Variants in CADM4 observed in about 807,000 individuals in gnomAD.
The protein encoded by CADM4 is TSLC1-like 2.
CADM4 carries 13 observed loss-of-function variants against 43.9 expected under a neutral mutation model. The observed-to-expected ratio is 0.30, with a 90% CI of 0.19 to 0.47. The LOEUF is 0.47. Ranked by LOEUF, CADM4 falls within the 20% of genes least tolerant of loss-of-function variation. CADM4 has a pLI of 1.00. For missense variants in CADM4, 420 were observed against 527.0 expected (o/e 0.80, Z 1.99); for synonymous variants, 209 against 220.9 (o/e 0.95, Z 0.48).
intron 1 of CADM4, among the ~76,000 whole-genome samples, chr19:43,638,449 G>A (rs758783576): frequency 3.3e-5 from 5 of 152,224 alleles, no homozygotes; most frequent in Admixed American, 6.5e-5. Flanking sequence ...AATCTCTGCC[G>A]AACACCCAGC....
intron 1 of CADM4, among the ~76,000 whole-genome samples, chr19:43,633,193 C>A (rs1174828592): frequency 6.6e-6 from 1 of 151,748 alleles, no homozygotes; most frequent in East Asian, 2.0e-4. Flanking sequence ...CCCACCTCAG[C>A]CTCCTAAGTA....
chr19:43,640,433 C>G, upstream of CADM4, among the ~76,000 whole-genome samples: 1 of 151,162 alleles, frequency 6.6e-6, no homozygotes, highest in South Asian at 2.1e-4. Flanking sequence ...CCGGAGGGTC[C>G]GGAGGTCGAG....
intron 1 of CADM4, among the ~76,000 whole-genome samples, chr19:43,630,909 T>A (rs955473874): frequency 6.6e-6 from 1 of 152,204 alleles, no homozygotes; most frequent in Non-Finnish European, 1.5e-5. Flanking sequence ...TCTTTTACAT[T>A]CAGGTGCTGG....
chr19:43,638,284 A>G (rs1189879711), intron 1 of CADM4, among the ~76,000 whole-genome samples: 1 of 152,216 alleles, frequency 6.6e-6, no homozygotes, highest in Non-Finnish European at 1.5e-5. Context: ...GTTCCCTTTC[A>G]TGTCACTGAG....
chr19:43,639,674 A>T, intron 1 of CADM4, 53 bp downstream of exon 1: 1 of 956,308 alleles, frequency 1.0e-6, no homozygotes, highest in Non-Finnish European at 1.2e-6. Context: ...GGCTGTCACC[A>T]CAGCGCGCCC....
rs1267829003 is a variant in CADM4 at position 43,627,629 on chromosome 19, G to T, written c.211+15C>A. 6.2e-7 allele frequency: 1 copy of T among 1,608,200 alleles called. No homozygotes were observed. Among genetic ancestry groups the T allele is most frequent in the Non-Finnish European group, 8.5e-7 (1 of 1,175,458 alleles). On this transcript the variant is annotated intron_variant, in intron 2 of 8. Transcript: ENST00000222374. The surrounding 1 kb of genome is among the most constrained non-coding windows in gnomAD (Gnocchi z 4.0). ...TCTTCCTTTAAGACTCCTGAGTCTG[G>T]TCCCCAGCACTCACCACGGGTGCCA...
In CADM4 at chr19:43,627,208, T is replaced by C. The variant is rs1286380574; in HGVS notation, c.322A>G (p.Thr108Ala). ...GCAATCTGGTGGTGGGTGTCTTCTG[T>C]GTAGAGCTGGCAGAAATAGCCCCCC... Reference protein sequence around the residue: ...DEGGYFCQLYTEDTHHQIATL... With the variant: ...DEGGYFCQLYAEDTHHQIATL... The change falls in exon 3 of 9, where the codon ACA becomes GCA. Residue 108 changes from threonine (T) to alanine (A), a missense_variant. Thr to Ala is a moderately conservative substitution (Grantham distance 58). Transcript: ENST00000222374. This position sits in a 1 kb window ranked among gnomAD's most constrained non-coding sequence, Gnocchi z 4.0. 78 of 1,611,830 alleles carry C rather than the reference T, an allele frequency of 4.8e-5. No individual in the cohort carries two copies. Among genetic ancestry groups the C allele is most frequent in the Non-Finnish European group, 5.7e-5 (67 of 1,178,838 alleles).
intron 7 of CADM4, among the ~76,000 whole-genome samples, chr19:43,624,585 G>A (rs1013490802): frequency 6.6e-6 from 1 of 152,200 alleles, no homozygotes; most frequent in Non-Finnish European, 1.5e-5. Context: ...GATTAGAGGC[G>A]TGAGCGACCG....
At position 43,627,172 on chromosome 19, in the gene CADM4, C is replaced by T. The variant is rs145530818; in HGVS notation, c.358G>A (p.Val120Ile). Residue 120 changes from valine to isoleucine, a missense_variant, in exon 3 of 9, where the codon GTA (valine) becomes ATA (isoleucine). Transcript: ENST00000222374. This position sits in a 1 kb window ranked among gnomAD's most constrained non-coding sequence, Gnocchi z 4.0. ...DTHHQIATLT[V>I]LVAPENPVVE... ...ACAAGGGGGAGGGCGTTACCTAGTA[C>T]CGTGAGCGTGGCAATCTGGTGGTGG... 7.3e-4 allele frequency: 1,160 copies of T among 1,595,942 alleles called. 7 individuals are homozygous for T. The African/African-American group carries it at 0.011, about 15-fold the overall frequency.
At position 43,625,355 on chromosome 19, in the gene CADM4, C is replaced by T. The variant is rs1475884825; in HGVS notation, c.756-105G>A. ...GCAACTCTCATCCCGCAGGGACCTC[C>T]AAATAAGAGGCTTCCTGCTATCTCT... is the stretch of plus-strand genomic sequence containing the variant. On this transcript the variant is annotated intron_variant, in intron 6 of 8. Coordinates refer to ENST00000222374, the MANE Select transcript of CADM4 (RefSeq NM_145296.2). The surrounding 1 kb of genome is among the most constrained non-coding windows in gnomAD (Gnocchi z 4.5). The T allele has an allele frequency of 3.7e-5, 42 of 1,137,422 alleles. No individual in the cohort carries two copies. The highest frequency in any genetic ancestry group is 4.8e-5 in the Non-Finnish European group (39 of 815,940). The allele number at this position is 1,137,422 out of a possible 1,614,324, so 70.5% of individuals were successfully genotyped here. A position where few individuals can be genotyped will look rare whatever the true frequency, so the allele number is the denominator to read the frequency against.
At chr19:43,624,611 T>C (rs1365976603) in intron 7 of CADM4, among the ~76,000 whole-genome samples, 1 of 152,202 alleles carries the variant, frequency 6.6e-6, no homozygotes, top group Non-Finnish European at 1.5e-5. Context: ...AGCCATCCCT[T>C]TTCTTTTGAC....
chr19:43,627,485 G>T lies in CADM4; in HGVS notation c.211+159C>A, dbSNP rs1411689269. Among the ~76,000 whole-genome samples the T allele has an allele frequency of 6.6e-6, 1 of 152,154 alleles. No individual in the cohort carries two copies. The highest frequency in any genetic ancestry group is 6.5e-5 in the Admixed American group (1 of 15,276). ...CCCTTGAGGACCCAGCATTATTCAA[G>T]TCCTCCTGCCTGCAGGACCAGCAGT... On this transcript the variant is annotated intron_variant, in intron 2 of 8. Coordinates refer to ENST00000222374, the MANE Select transcript of CADM4 (RefSeq NM_145296.2). This position sits in a 1 kb window ranked among gnomAD's most constrained non-coding sequence, Gnocchi z 4.0.
At chr19:43,637,421 C>T (rs548084171) in intron 1 of CADM4, among the ~76,000 whole-genome samples, 7 of 152,152 alleles carry the variant, frequency 4.6e-5, no homozygotes, top group Admixed American at 2.6e-4. Context: ...CTTTACAGAA[C>T]GGGAAAGTAA....
chr19:43,633,133 G>A (rs536489118), intron 1 of CADM4, among the ~76,000 whole-genome samples: 1 of 150,776 alleles, frequency 6.6e-6, no homozygotes, highest in African/African-American at 2.4e-5. Flanking sequence ...GAGTGCAGTG[G>A]TGCAATCATG....
chr19:43,623,342 T>G lies in CADM4; in HGVS notation c.1155A>C (p.Glu385Asp). The change falls in exon 9 of 9, where the codon GAA becomes GAC. Residue 385 changes from glutamate (E) to aspartate (D), a missense_variant. Physicochemically the swap from Glu to Asp is conservative, Grantham distance 45. Coordinates refer to ENST00000222374, the MANE Select transcript of CADM4 (RefSeq NM_145296.2). The surrounding 1 kb of genome is among the most constrained non-coding windows in gnomAD (Gnocchi z 4.4). ...GGTGGGGATAGGGTCAGATGAAGAA[T>G]TCCTCTTTCCTCTTGTGTCCGTCGC... ...NGSDGHKRKEEFFI is the reference protein window; with the variant it reads ...NGSDGHKRKEDFFI The G allele has an allele frequency of 6.2e-7, 1 of 1,613,866 alleles. No homozygotes were observed. Among genetic ancestry groups the G allele is most frequent in the Non-Finnish European group, 8.5e-7 (1 of 1,179,874 alleles).
In CADM4 at chr19:43,626,079, G is replaced by A. The variant is rs754404844; in HGVS notation, c.664+45C>T. 3.1e-6 allele frequency: 5 copies of A among 1,611,810 alleles called. No homozygotes were observed. The highest frequency in any genetic ancestry group is 4.2e-6 in the Non-Finnish European group (5 of 1,178,762). ...AAGGGGGACCCTCGCGGGTGCGGGT[G>A]GCTGGCGTTGGGATCCCTTGGGTCC... On this transcript the variant is annotated intron_variant, in intron 5 of 8. Coordinates refer to ENST00000222374, the MANE Select transcript of CADM4 (RefSeq NM_145296.2). This position sits in a 1 kb window ranked among gnomAD's most constrained non-coding sequence, Gnocchi z 5.9.
chr19:43,624,952 G>C (rs993073374), intron 7 of CADM4, 126 bp downstream of exon 7: 26 of 1,065,140 alleles, frequency 2.4e-5, no homozygotes, highest in Non-Finnish European at 3.3e-5. Flanking sequence ...GGGCCAGTCT[G>C]GTCCCAAAAC....
Position 43,624,198 on chromosome 19 carries a change from T to A in CADM4, c.973A>T (p.Ile325Phe). 1 of 1,614,134 alleles carries A rather than the reference T, an allele frequency of 6.2e-7. No individual in the cohort carries two copies. Among genetic ancestry groups the A allele is most frequent in the Non-Finnish European group, 8.5e-7 (1 of 1,180,028 alleles). ...VEAQTSVPYA[I>F]VGGILALLVF... The stretch of plus-strand genomic sequence containing the variant: ...AGCAGCGCCAGGATGCCGCCCACAA[T>A]GGCATAGGGAACCGACGTCTGAGCC... The change falls in exon 8 of 9, where the codon ATT (isoleucine) becomes TTT (phenylalanine). Residue 325 changes from isoleucine to phenylalanine, a missense_variant. Coordinates refer to ENST00000222374, the MANE Select transcript of CADM4 (RefSeq NM_145296.2).
At chr19:43,639,689 C>T (rs951162017) in intron 1 of CADM4, 38 bp downstream of exon 1, 17 of 981,408 alleles carry the variant, frequency 1.7e-5, no homozygotes, top group Non-Finnish European at 2.1e-5. Flanking sequence ...GCGCCCCCCG[C>T]CCCAGCCCGG....
Sources: allele counts gnomAD v4.1 joint callset (sites outside exome capture counted in the v4.1 genomes callset), GRCh38; gene constraint gnomAD v4.1.1; non-coding constraint Gnocchi (gnomAD v3.1); transcripts MANE v1.5; gene names NCBI Gene and HGNC (gene_info 2026-07-23, HGNC 2026-07-21).